The following PDE1C variants were observed in gnomAD, a reference collection of about 807,000 sequenced individuals.
PDE1C encodes phosphodiesterase 1C.
PDE1C carries 62 observed loss-of-function variants against 93.1 expected under a neutral mutation model. The ratio of observed to expected loss-of-function variants is 0.67; its 90% confidence interval spans 0.54 to 0.82. The LOEUF is 0.82. PDE1C is among the 40% of genes least tolerant of loss of function. The probability of loss-of-function intolerance (pLI) is 0.00; values close to 1 mark genes in which losing one functional copy is unlikely to be tolerated. For missense variants in PDE1C, 742 were observed against 884.6 expected (o/e 0.84, Z 2.04); for synonymous variants, 325 against 310.1 (o/e 1.05, Z -0.50).
the PDE1C span, chr7:31,692,500 T>C: frequency 6.2e-7 from 1 of 1,609,888 alleles, no homozygotes; most frequent in Non-Finnish European, 8.5e-7. Flanking sequence ...CTGGACAAGC[T>C]AGACCCTCGT....
chr7:31,666,635 G>A, the PDE1C span, among the ~76,000 whole-genome samples: 1 of 152,150 alleles, frequency 6.6e-6, no homozygotes, highest in African/African-American at 2.4e-5. Context: ...GTCACATACA[G>A]TAAATTCATC....
chr7:31,693,334 G>A, the PDE1C span, among the ~76,000 whole-genome samples: 1 of 152,194 alleles, frequency 6.6e-6, no homozygotes, highest in African/African-American at 2.4e-5. Context: ...CCCATTCAGA[G>A]CAGCATTCAT....
At chr7:32,198,625 G>A (rs940541665) in intron 2 of PDE1C, among the ~76,000 whole-genome samples, 28 of 152,140 alleles carry the variant, frequency 1.8e-4, no homozygotes, top group Middle Eastern at 3.2e-3. Flanking sequence ...GTCCTAGGCA[G>A]CAGGATGAAA....
At chr7:32,066,894 C>T (rs1222736817) in intron 1 of PDE1C, among the ~76,000 whole-genome samples, 1 of 152,200 alleles carries the variant, frequency 6.6e-6, no homozygotes, top group Non-Finnish European at 1.5e-5. Flanking sequence ...CAGCATCCCT[C>T]TGAGAGTTCC....
At chr7:31,876,054 G>T (rs1046178358) in intron 5 of PDE1C, among the ~76,000 whole-genome samples, 5 of 151,494 alleles carry the variant, frequency 3.3e-5, no homozygotes, top group Non-Finnish European at 7.4e-5. Flanking sequence ...TGAACTTCTG[G>T]CAATGAAGTG....
chr7:32,305,876 G>A (rs761607049), intron 1 of PDE1C, among the ~76,000 whole-genome samples: 5 of 152,218 alleles, frequency 3.3e-5, no homozygotes, highest in South Asian at 4.1e-4. Context: ...TGCTGCTCCC[G>A]CTCAGTCCCT....
intron 3 of PDE1C, among the ~76,000 whole-genome samples, chr7:32,115,322 C>T (rs753028682): frequency 6.6e-6 from 1 of 152,144 alleles, no homozygotes; most frequent in Non-Finnish European, 1.5e-5. Context: ...TTCGCAGGGA[C>T]ATGGATGAAG....
At chr7:31,851,193 G>A (rs955554583) in intron 7 of PDE1C, among the ~76,000 whole-genome samples, 7 of 152,072 alleles carry the variant, frequency 4.6e-5, no homozygotes, top group African/African-American at 1.7e-4. Context: ...TAGGAAGTGG[G>A]TAGAGACAGA....
At chr7:32,114,395 G>A (rs1429907112) in intron 3 of PDE1C, among the ~76,000 whole-genome samples, 1 of 152,056 alleles carries the variant, frequency 6.6e-6, no homozygotes, top group East Asian at 1.9e-4. Flanking sequence ...CCAATAAGTG[G>A]TGCTAGGAAA....
intron 1 of PDE1C, among the ~76,000 whole-genome samples, chr7:32,313,246 A>G (rs1783093359): frequency 6.6e-6 from 1 of 152,186 alleles, no homozygotes; most frequent in African/African-American, 2.4e-5. Flanking sequence ...TTAAAAAGTC[A>G]GGAAACAACA....
chr7:31,903,366 AAAGTC>A, intron 2 of PDE1C, among the ~76,000 whole-genome samples: 1 of 152,062 alleles, frequency 6.6e-6, no homozygotes, highest in Non-Finnish European at 1.5e-5. Flanking sequence ...GCTAGAAATT[AAAGTC>A]AAGAGATCCT....
chr7:32,129,072 T>C (rs1480192620), intron 3 of PDE1C, among the ~76,000 whole-genome samples: 1 of 150,862 alleles, frequency 6.6e-6, no homozygotes, highest in African/African-American at 2.4e-5. Context: ...CAATTAGTCA[T>C]GTGAATTATT....
rs756426741 is a variant in PDE1C, at chr7:31,753,533, G to T, written c.1981C>A (p.His661Asn). ...GATGCGTAAGCAGGGCGTTTAAAAT[G>T]ACGCAAAGGAGGCTTGATGACTGGC... Reference protein sequence around the residue: ...TLPVIKPPLRHFKRPAYASSS... With the variant: ...TLPVIKPPLRNFKRPAYASSS... Residue 661 changes from histidine to asparagine, a missense_variant, in exon 18 of 18, where the codon CAT becomes AAT. Physicochemically the swap from His to Asn is moderately conservative, Grantham distance 68. This residue lies in a region of PDE1C where 454 missense variants were observed against 459.4 expected (regional missense o/e 0.99). Transcript: ENST00000396191. 7.4e-6 allele frequency: 12 copies of T among 1,610,798 alleles called. No individual in the cohort carries two copies. The highest frequency in any genetic ancestry group is 2.2e-5 in the South Asian group (2 of 90,592).
At chr7:32,211,002 T>G (rs550855760) in intron 1 of PDE1C, among the ~76,000 whole-genome samples, 1 of 152,040 alleles carries the variant, frequency 6.6e-6, no homozygotes, top group African/African-American at 2.4e-5. Flanking sequence ...GGTCACGAGG[T>G]CAGGAGACCA....
At chr7:32,355,205 C>G (rs1011861923) in intron 1 of PDE1C, among the ~76,000 whole-genome samples, 5 of 152,208 alleles carry the variant, frequency 3.3e-5, no homozygotes, top group African/African-American at 1.2e-4. Flanking sequence ...AAGTCAATCT[C>G]CGCGAACATG....
At chr7:32,076,835 AT>A (rs962177094) in intron 3 of PDE1C, among the ~76,000 whole-genome samples, 6 of 151,240 alleles carry the variant, frequency 4.0e-5, no homozygotes, top group Admixed American at 1.3e-4. Context: ...TACCCCACCA[AT>A]TTTTTTTAAC....
At position 31,877,973 on chromosome 7, in the gene PDE1C, T is replaced by G. The variant is rs758343492; in HGVS notation, c.489A>C (p.Leu163Phe). ...AAAATCTTTTCACTCGTATTACCTT[T>G]AATGCCTCAATAACAGCTGGTGGAT... The part of the protein sequence containing the change: ...LSYPPAVIEA[L>F]KDVDKWSFDV... Residue 163 changes from leucine to phenylalanine, a missense_variant, in exon 5 of 18, where the codon TTA (leucine) becomes TTC (phenylalanine). This residue lies in a region of PDE1C where 205 missense variants were observed against 295.3 expected (regional missense o/e 0.69). Coordinates refer to ENST00000396191, the MANE Select transcript of PDE1C (RefSeq NM_001191057.4). 1.4e-5 allele frequency: 22 copies of G among 1,607,852 alleles called. No individual in the cohort carries two copies. In the Admixed American group the frequency reaches 2.7e-4, roughly 20 times the overall value.
intron 1 of PDE1C, among the ~76,000 whole-genome samples, chr7:32,392,339 G>A (rs891657435): frequency 2.6e-5 from 4 of 152,072 alleles, no homozygotes; most frequent in African/African-American, 7.2e-5. Context: ...AGGTTGCTTC[G>A]CTGGTAAATT....
intron 3 of PDE1C, among the ~76,000 whole-genome samples, chr7:32,079,879 C>A (rs998474462): frequency 4.6e-5 from 7 of 152,294 alleles, no homozygotes; most frequent in African/African-American, 1.7e-4. Flanking sequence ...ATAAACCCCA[C>A]CTCTTGATGC....
Sources: gnomAD v4.1 joint callset for allele counts (sites outside exome capture counted in the v4.1 genomes callset) on GRCh38, gnomAD v4.1.1 for gene constraint, gnomAD v4.1.1 regional missense constraint, MANE v1.5 for transcripts, NCBI Gene and HGNC (gene_info 2026-07-23, HGNC 2026-07-21) for gene names.